The following NELL1 variants were observed in gnomAD, a reference collection of about 807,000 sequenced individuals.
NELL1 encodes the protein protein kinase C-binding protein NELL1.
NELL1 carries 76 observed loss-of-function variants against 107.4 expected under a neutral mutation model. That is an observed-to-expected ratio of 0.71 (90% CI 0.59 to 0.86). NELL1 has a LOEUF of 0.86. Among genes scored for constraint, NELL1 ranks in the 40% least tolerant of loss-of-function variants. NELL1 has a pLI of 0.00. For missense variants in NELL1, 1,024 were observed against 1,005.5 expected (o/e 1.02, Z -0.25); for synonymous variants, 353 against 341.2 (o/e 1.03, Z -0.38).
intron 12 of NELL1, among the ~76,000 whole-genome samples, chr11:21,016,978 G>A (rs897433568): frequency 9.2e-5 from 14 of 151,996 alleles, no homozygotes; most frequent in African/African-American, 3.1e-4. Context: ...CAATTCCTAG[G>A]TGTTCTTGGG....
At chr11:21,005,402 A>T (rs980049003) in intron 12 of NELL1, among the ~76,000 whole-genome samples, 1 of 152,094 alleles carries the variant, frequency 6.6e-6, no homozygotes, top group Non-Finnish European at 1.5e-5. Context: ...CTACATTTCC[A>T]CCCTGTGGCT....
At chr11:21,418,077 C>A (rs1401715639) in intron 15 of NELL1, among the ~76,000 whole-genome samples, 1 of 151,914 alleles carries the variant, frequency 6.6e-6, no homozygotes, top group Non-Finnish European at 1.5e-5. Flanking sequence ...ATGAGAAATG[C>A]TTTTTTCAGC....
intron 15 of NELL1, among the ~76,000 whole-genome samples, chr11:21,401,101 A>C (rs990801071): frequency 6.6e-6 from 1 of 151,912 alleles, no homozygotes; most frequent in African/African-American, 2.4e-5. Context: ...ACTTTAAATT[A>C]TACAACCCTT....
At chr11:21,206,120 C>A (rs1857384659) in intron 13 of NELL1, among the ~76,000 whole-genome samples, 2 of 152,086 alleles carry the variant, frequency 1.3e-5, no homozygotes, top group Admixed American at 1.3e-4. Context: ...ACAACAGAAT[C>A]TTTTTCTCTG....
intron 4 of NELL1, among the ~76,000 whole-genome samples, chr11:20,855,116 C>T (rs186431654): frequency 6.6e-6 from 1 of 152,202 alleles, no homozygotes; most frequent in African/African-American, 2.4e-5. Context: ...TAACCTTGTC[C>T]TATGTTCTAT....
chr11:21,274,381 G>A (rs1848807943), intron 14 of NELL1, among the ~76,000 whole-genome samples: 1 of 152,148 alleles, frequency 6.6e-6, no homozygotes, highest in Admixed American at 6.5e-5. Flanking sequence ...CAATACAGGA[G>A]CACCCAGATT....
chr11:21,078,411 G>T (rs1854190821), intron 12 of NELL1, among the ~76,000 whole-genome samples: 1 of 151,980 alleles, frequency 6.6e-6, no homozygotes, highest in South Asian at 2.1e-4. Context: ...AAAGCCAGTT[G>T]CTCATAGAAG....
chr11:21,439,626 T>C (rs1177024386), intron 15 of NELL1, among the ~76,000 whole-genome samples: 1 of 152,170 alleles, frequency 6.6e-6, no homozygotes, highest in Non-Finnish European at 1.5e-5. Flanking sequence ...GCTTTTGGGA[T>C]CATTTCTTAC....
At chr11:21,357,904 C>T (rs1441371265) in intron 14 of NELL1, among the ~76,000 whole-genome samples, 2 of 152,130 alleles carry the variant, frequency 1.3e-5, no homozygotes, top group Admixed American at 6.6e-5. Context: ...AATAGGGTGT[C>T]GTTTCCCCAG....
chr11:20,970,080 C>CATCCATCCATCCATCT (rs368624254), intron 12 of NELL1, among the ~76,000 whole-genome samples: 4,373 of 151,400 alleles, frequency 0.029, 105 homozygotes, highest in African/African-American at 0.068. Context: ...TCCATCCATC[C>CATCCATCCATCCATCT]ATCCATCCAT....
intron 2 of NELL1, among the ~76,000 whole-genome samples, chr11:20,766,219 G>A (rs1856525455): frequency 6.6e-6 from 1 of 152,210 alleles, no homozygotes; most frequent in Admixed American, 6.5e-5. Flanking sequence ...GGGCTGGATG[G>A]CAGTAATAGT....
At chr11:20,988,624 G>T (rs1227470859) in intron 12 of NELL1, among the ~76,000 whole-genome samples, 2 of 149,410 alleles carry the variant, frequency 1.3e-5, no homozygotes, top group Admixed American at 6.7e-5. Flanking sequence ...TTTTTGAGAC[G>T]CTGTCACCCA....
chr11:20,985,416 T>A (rs1189626501), intron 12 of NELL1, among the ~76,000 whole-genome samples: 1 of 152,170 alleles, frequency 6.6e-6, no homozygotes, highest in Non-Finnish European at 1.5e-5. Flanking sequence ...GAGTGGTAAG[T>A]AGAACTAGGG....
intron 15 of NELL1, among the ~76,000 whole-genome samples, chr11:21,402,721 C>G (rs1483635662): frequency 6.7e-6 from 1 of 150,246 alleles, no homozygotes; most frequent in Non-Finnish European, 1.5e-5. Flanking sequence ...CCATTCTATT[C>G]GAGTAAATAA....
intron 3 of NELL1, among the ~76,000 whole-genome samples, chr11:20,807,089 G>C (rs921675946): frequency 5.3e-5 from 8 of 151,942 alleles, no homozygotes; most frequent in African/African-American, 1.9e-4. Context: ...TGTTTTCATG[G>C]ATGGTCCTGA....
intron 3 of NELL1, among the ~76,000 whole-genome samples, chr11:20,791,171 C>A (rs549170600): frequency 1.3e-5 from 2 of 152,268 alleles, no homozygotes; most frequent in East Asian, 1.9e-4. Context: ...TCTGAGGAAG[C>A]ATTGCCATCA....
At chr11:20,748,927 T>G (rs981889679) in intron 2 of NELL1, among the ~76,000 whole-genome samples, 53 of 144,228 alleles carry the variant, frequency 3.7e-4, no homozygotes, top group African/African-American at 1.4e-3. Flanking sequence ...CATCCATCCA[T>G]CCATCCATCC....
intron 12 of NELL1, among the ~76,000 whole-genome samples, chr11:21,018,858 T>C (rs1852631858): frequency 6.6e-6 from 1 of 152,160 alleles, no homozygotes; most frequent in African/African-American, 2.4e-5. Context: ...AGGATCCTTA[T>C]TCATTTCTCA....
intron 2 of NELL1, among the ~76,000 whole-genome samples, chr11:20,701,165 C>T (rs1220568177): frequency 6.6e-6 from 1 of 152,152 alleles, no homozygotes; most frequent in Non-Finnish European, 1.5e-5. Flanking sequence ...TCCTCTGCAG[C>T]ACCTGTTGTT....
Sources: allele counts gnomAD v4.1 joint callset (sites outside exome capture counted in the v4.1 genomes callset), GRCh38; gene constraint gnomAD v4.1.1; transcripts MANE v1.5; gene names NCBI Gene and HGNC (gene_info 2026-07-23, HGNC 2026-07-21).